The following ADAMTS4 variants were observed in gnomAD, a reference collection of about 807,000 sequenced individuals.
ADAMTS4 encodes the protein A disintegrin and metalloproteinase with thrombospondin motifs 4.
A neutral mutation model predicts 66.7 loss-of-function variants in ADAMTS4; 38 were observed. That is an observed-to-expected ratio of 0.57 (90% confidence interval 0.44 to 0.75). The LOEUF (loss-of-function observed/expected upper bound fraction) is 0.75. Ranked by LOEUF, ADAMTS4 falls within the 30% of genes least tolerant of loss-of-function variation. The pLI, the probability that ADAMTS4 is intolerant of heterozygous loss-of-function variation, is 0.00. For missense variants in ADAMTS4, 1,014 were observed against 1,116.7 expected (o/e 0.91, Z 1.31); for synonymous variants, 418 against 461.5 (o/e 0.91, Z 1.21).
intron 1 of ADAMTS4, 106 bp downstream of exon 1, chr1:161,197,889 A>C: frequency 2.0e-6 from 3 of 1,470,534 alleles, no homozygotes; most frequent in Non-Finnish European, 2.7e-6. Context: ...AAGGGAGGGA[A>C]GCAGAACGGC....
Position 161,193,835 on chromosome 1 carries a change from G to T in ADAMTS4, c.1549-9C>A. 1 of 1,598,120 alleles carries T rather than the reference G, an allele frequency of 6.3e-7. No individual in the cohort carries two copies. The highest frequency in any genetic ancestry group is 1.1e-5 in the South Asian group (1 of 88,008). ...CCACCAGCCTGTGGAATCTGCAAAGGCACAGAACGGAAGTGGGGCATAAGT... is the reference window on the plus strand; with the variant it reads ...CCACCAGCCTGTGGAATCTGCAAAGTCACAGAACGGAAGTGGGGCATAAGT... On this transcript the variant is annotated splice_polypyrimidine_tract_variant and intron_variant, in intron 5 of 8. Transcript: ENST00000367996. The surrounding 1 kb of genome is among the most constrained non-coding windows in gnomAD (Gnocchi z 4.4).
Position 161,193,080 on chromosome 1 carries a change from G to T in ADAMTS4, c.1911+133C>A. On this transcript the variant is annotated intron_variant, in intron 7 of 8. Coordinates refer to ENST00000367996, the MANE Select transcript of ADAMTS4 (RefSeq NM_005099.6). The surrounding 1 kb of genome is among the most constrained non-coding windows in gnomAD (Gnocchi z 4.4). ...GATACCCATGTACAGATAAGTCTGA[G>T]TGGAATCCTGGACTGGGCTGGCGTG... The T allele has an allele frequency of 9.7e-7, 1 of 1,028,358 alleles. No individual in the cohort carries two copies. Among genetic ancestry groups the T allele is most frequent in the Non-Finnish European group, 1.4e-6 (1 of 725,394 alleles). 63.7% of individuals were successfully genotyped at this position (1,028,358 alleles called of 1,614,324 possible).
Position 161,188,734 on chromosome 1 carries a change from A to T in ADAMTS4, c.*2404T>A, listed in dbSNP as rs1002679626. 1 of 148,154 alleles carries T rather than the reference A, an allele frequency of 6.7e-6. No homozygotes were observed. Among genetic ancestry groups the T allele is most frequent in the Non-Finnish European group, 1.5e-5 (1 of 66,542 alleles). The allele number at this position is 148,154 out of a possible 1,614,324, so 9.2% of individuals were successfully genotyped here. On this transcript the variant is annotated 3_prime_UTR_variant, in exon 9 of 9. Coordinates refer to ENST00000367996, the MANE Select transcript of ADAMTS4 (RefSeq NM_005099.6). ...ATCCTGTTTTTGTTTTTGTTTTTGTATCGAGACGAGTCTCACTCTGTCTCC... is the reference window on the plus strand; with the variant it reads ...ATCCTGTTTTTGTTTTTGTTTTTGTTTCGAGACGAGTCTCACTCTGTCTCC...
In ADAMTS4 at chr1:161,188,985, C is replaced by T. The variant is rs1031161426; in HGVS notation, c.*2153G>A. On this transcript the variant is annotated 3_prime_UTR_variant, in exon 9 of 9. Coordinates refer to ENST00000367996, the MANE Select transcript of ADAMTS4 (RefSeq NM_005099.6). ...GTCTCAATCTCCTGACCTCGTGATCCGCCCATTTCGGCCTCCCAAAGTGCT... is the reference window on the plus strand; with the variant it reads ...GTCTCAATCTCCTGACCTCGTGATCTGCCCATTTCGGCCTCCCAAAGTGCT... 1.1e-4 allele frequency: 16 copies of T among 148,444 alleles called. No individual in the cohort carries two copies. The highest frequency in any genetic ancestry group is 1.9e-4 in the Non-Finnish European group (13 of 67,338). The allele number at this position is 148,444 out of a possible 1,614,324, so 9.2% of individuals were successfully genotyped here.
rs1314358616 is a variant in ADAMTS4 at position 161,195,520 on chromosome 1, C to T, written c.1206G>A (p.Glu402=). Residue 402 remains glutamate (E), a synonymous_variant, in exon 4 of 9, where the codon GAG becomes GAA. Transcript: ENST00000367996. ...AGCGGGCACTGCAGGGGGACCAGGG[C>T]TCCTCAGGATCCACATGAGCCATCA... is the stretch of plus-strand genomic sequence containing the variant. ...APVMAHVDPE[E]PWSPCSARFI... 7 of 1,613,782 alleles carry T rather than the reference C, an allele frequency of 4.3e-6. No homozygotes were observed. The highest frequency in any genetic ancestry group is 2.2e-5 in the South Asian group (2 of 91,078).
At position 161,194,108 on chromosome 1, in the gene ADAMTS4, G is replaced by T. The variant is rs765630081; in HGVS notation, c.1375C>A (p.His459Asn). The T allele has an allele frequency of 1.2e-6, 2 of 1,614,264 alleles. No individual in the cohort carries two copies. Among genetic ancestry groups the T allele is most frequent in the Non-Finnish European group, 1.7e-6 (2 of 1,180,052 alleles). ...CQLTFGPDSR[H>N]CPQLPPPCAA... ...CAGGGCGGCGGCAGCTGTGGACAAT[G>T]GCGTGAGTCGGGCCCGAAGGTCAGC... The change falls in exon 5 of 9, where the codon CAT becomes AAT. Residue 459 changes from histidine (H) to asparagine (N), a missense_variant. His to Asn is a moderately conservative substitution (Grantham distance 68). Coordinates refer to ENST00000367996, the MANE Select transcript of ADAMTS4 (RefSeq NM_005099.6). The surrounding 1 kb of genome is among the most constrained non-coding windows in gnomAD (Gnocchi z 4.1).
In ADAMTS4 at chr1:161,193,884, C is replaced by T; in HGVS notation, c.1548+51G>A. On this transcript the variant is annotated intron_variant, in intron 5 of 8. Transcript: ENST00000367996. This position sits in a 1 kb window ranked among gnomAD's most constrained non-coding sequence, Gnocchi z 4.4. ...GTGAACTCTCTCCTGGGCTTAAGGC[C>T]AGTCCCCACACCCCCGGGCCCTTTA... 7 of 1,564,276 alleles carry T rather than the reference C, an allele frequency of 4.5e-6. No individual in the cohort carries two copies. The highest frequency in any genetic ancestry group is 5.2e-6 in the Non-Finnish European group (6 of 1,152,666).
At chr1:161,195,954 C>CAG (rs1664814584) in intron 3 of ADAMTS4, 1 of 587,420 alleles carries the variant, frequency 1.7e-6, no homozygotes, top group Non-Finnish European at 2.9e-6. Context: ...CACACACACA[C>CAG]ACACACACAG....
rs1664643987 is a variant in ADAMTS4 at position 161,190,617 on chromosome 1, A to C, written c.*521T>G. On this transcript the variant is annotated 3_prime_UTR_variant, in exon 9 of 9. Transcript: ENST00000367996. The stretch of plus-strand genomic sequence containing the variant: ...TTTCTTTTCCCAAAAAATAAAATTC[A>C]GGAAGAGGAAAGCAGAACAGGTTGT... 1 of 152,654 alleles carries C rather than the reference A, an allele frequency of 6.6e-6. No homozygotes were observed. Among genetic ancestry groups the C allele is most frequent in the South Asian group, 2.1e-4 (1 of 4,832 alleles). 9.5% of individuals were successfully genotyped at this position (152,654 alleles called of 1,614,324 possible).
At position 161,198,915 on chromosome 1, in the gene ADAMTS4, C is replaced by A. The variant is rs1268827260; in HGVS notation, c.-288G>T. On this transcript the variant is annotated 5_prime_UTR_variant, in exon 1 of 9. Coordinates refer to ENST00000367996, the MANE Select transcript of ADAMTS4 (RefSeq NM_005099.6). The surrounding 1 kb of genome is among the most constrained non-coding windows in gnomAD (Gnocchi z 4.7). Reference sequence around the variant, plus strand: ...GTGTCTTCTGCAGCTTCTCTGGCCTCTCCCTCTGTAGGACTCTGTCTGGGC... The same window carrying A: ...GTGTCTTCTGCAGCTTCTCTGGCCTATCCCTCTGTAGGACTCTGTCTGGGC... 5.2e-6 allele frequency: 2 copies of A among 387,084 alleles called. No individual in the cohort carries two copies. Among genetic ancestry groups the A allele is most frequent in the Non-Finnish European group, 4.6e-6 (1 of 216,096 alleles). The allele number at this position is 387,084 out of a possible 1,614,324, so 24.0% of individuals were successfully genotyped here.
Position 161,188,847 on chromosome 1 carries a change from A to G in ADAMTS4, c.*2291T>C, listed in dbSNP as rs867664046. 3 of 135,322 alleles carry G rather than the reference A, an allele frequency of 2.2e-5. No homozygotes were observed. In the East Asian group the frequency reaches 7.1e-4, roughly 32 times the overall value. The allele number at this position is 135,322 out of a possible 1,614,324, so 8.4% of individuals were successfully genotyped here. A position where few individuals can be genotyped will look rare whatever the true frequency, so the allele number is the denominator to read the frequency against. ...ATTCTCCTGCCTCAGTCTCCCAAGT[A>G]GCTGGGACTATAGGCACCTGTCACC... is the stretch of plus-strand genomic sequence containing the variant. On this transcript the variant is annotated 3_prime_UTR_variant, in exon 9 of 9. Coordinates refer to ENST00000367996, the MANE Select transcript of ADAMTS4 (RefSeq NM_005099.6).
chr1:161,196,913 A>G, intron 1 of ADAMTS4, 33 bp from the exon 2 acceptor site: 1 of 1,545,532 alleles, frequency 6.5e-7, no homozygotes, highest in South Asian at 1.2e-5. Context: ...AGATCCTGAA[A>G]TAGCCTCTCA....
rs1664979181 is a variant in ADAMTS4 at position 161,198,671 on chromosome 1, A to C, written c.-44T>G. On this transcript the variant is annotated 5_prime_UTR_variant, in exon 1 of 9. Transcript: ENST00000367996. This position sits in a 1 kb window ranked among gnomAD's most constrained non-coding sequence, Gnocchi z 4.7. ...GGGAGGGACTGAGGCCGTCTAGGGC[A>C]CCAAGTCCTCCACACCCTAGCTTTG... 1.4e-6 allele frequency: 2 copies of C among 1,442,708 alleles called. No homozygotes were observed. Among genetic ancestry groups the C allele is most frequent in the East Asian group, 2.5e-5 (1 of 40,478 alleles). The allele number at this position is 1,442,708 out of a possible 1,614,324, so 89.4% of individuals were successfully genotyped here.
rs1280637184 is a variant in ADAMTS4, at chr1:161,185,047, CA to C, written c.*6090del. ...AGAAAAAAAAGAAGAAAAAGAAAGG[CA>C]GGGGGGGAGGGGGGAGGGATAGCAT... On this transcript the variant is annotated 3_prime_UTR_variant, in exon 9 of 9. Coordinates refer to ENST00000367996, the MANE Select transcript of ADAMTS4 (RefSeq NM_005099.6). The C allele has an allele frequency of 5.3e-4, 30 of 56,752 alleles. No homozygotes were observed. The highest frequency in any genetic ancestry group is 1.4e-3 in the East Asian group (3 of 2,100). The allele number at this position is 56,752 out of a possible 1,614,324, so 3.5% of individuals were successfully genotyped here.
chr1:161,186,000 T>A lies in ADAMTS4; in HGVS notation c.*5138A>T, dbSNP rs1454287944. On this transcript the variant is annotated 3_prime_UTR_variant, in exon 9 of 9. Coordinates refer to ENST00000367996, the MANE Select transcript of ADAMTS4 (RefSeq NM_005099.6). ...CTCATAAAATGGTTGTCCAAACTCTTCTTGAACTTCTCTAGGGACAGGGTT... is the reference window on the plus strand; with the variant it reads ...CTCATAAAATGGTTGTCCAAACTCTACTTGAACTTCTCTAGGGACAGGGTT... The A allele has an allele frequency of 6.6e-6, 1 of 152,266 alleles. No homozygotes were observed. The highest frequency in any genetic ancestry group is 2.4e-5 in the African/African-American group (1 of 41,472). 9.4% of individuals were successfully genotyped at this position (152,266 alleles called of 1,614,324 possible). A position where few individuals can be genotyped will look rare whatever the true frequency, so the allele number is the denominator to read the frequency against.
chr1:161,197,600 C>G (rs1246296066), intron 1 of ADAMTS4: 1 of 195,602 alleles, frequency 5.1e-6, no homozygotes, highest in Non-Finnish European at 1.0e-5. Context: ...TCAAACCTGA[C>G]TCCTATAGCT....
In ADAMTS4 at chr1:161,197,994, C is replaced by T. The variant is rs1276500292; in HGVS notation, c.633+1G>A. 1.9e-6 allele frequency: 3 copies of T among 1,555,186 alleles called. No individual in the cohort carries two copies. The highest frequency in any genetic ancestry group is 2.6e-6 in the Non-Finnish European group (3 of 1,148,828). On this transcript the variant is annotated splice_donor_variant, in intron 1 of 8. Coordinates refer to ENST00000367996, the MANE Select transcript of ADAMTS4 (RefSeq NM_005099.6). LOFTEE classifies it high-confidence loss of function. ...AGGACACAGACTCCAGAGATGCCTA[C>T]CTTGGCTCTTCGGGGTCTGGGGCTG...
At chr1:161,195,364 G>A in intron 4 of ADAMTS4, 101 bp downstream of exon 4, 1 of 1,264,500 alleles carries the variant, frequency 7.9e-7, no homozygotes, top group Admixed American at 2.4e-5. Flanking sequence ...AGCACACTTG[G>A]GGGAGGCAAT....
Position 161,198,056 on chromosome 1 carries a change from C to A in ADAMTS4, c.572G>T (p.Gly191Val), listed in dbSNP as rs770389695. The A allele has an allele frequency of 4.4e-6, 7 of 1,606,230 alleles. No individual in the cohort carries two copies. Among genetic ancestry groups the A allele is most frequent in the East Asian group, 2.2e-5 (1 of 44,752 alleles). Residue 191 changes from glycine (G) to valine (V), a missense_variant, in exon 1 of 9, where the codon GGT (glycine) becomes GTT (valine). Physicochemically the swap from Gly to Val is moderately radical, Grantham distance 109 (BLOSUM62 -3). Coordinates refer to ENST00000367996, the MANE Select transcript of ADAMTS4 (RefSeq NM_005099.6). The surrounding 1 kb of genome is among the most constrained non-coding windows in gnomAD (Gnocchi z 4.7). ...LRRKSPASGQ[G>V]PMCNVKAPLG... ...AGGAGCCTTGACGTTGCACATGGGACCTTGACCGCTGGCAGGACTCTTCCG... is the reference window on the plus strand; with the variant it reads ...AGGAGCCTTGACGTTGCACATGGGAACTTGACCGCTGGCAGGACTCTTCCG...
Sources: gnomAD v4.1 joint callset for allele counts on GRCh38, gnomAD v4.1.1 for gene constraint, Gnocchi (gnomAD v3.1) non-coding constraint, MANE v1.5 for transcripts, NCBI Gene and HGNC (gene_info 2026-07-23, HGNC 2026-07-21) for gene names.